Variants in CACNA2D3 observed in about 807,000 individuals in gnomAD.
The protein encoded by CACNA2D3 is voltage-dependent calcium channel subunit alpha-2/delta-3.
In CACNA2D3, 60 loss-of-function variants were observed where a neutral mutation model predicts 160.6. The observed-to-expected ratio is 0.37, with a 90% CI of 0.30 to 0.46. The LOEUF is 0.46. CACNA2D3 is among the 20% of genes least tolerant of loss of function. The pLI, the probability that CACNA2D3 is intolerant of heterozygous loss-of-function variation, is 1.00. For synonymous variants in CACNA2D3, 558 were observed against 492.9 expected (o/e 1.13, Z -1.75); for missense variants, 1,205 against 1,365.0 (o/e 0.88, Z 1.85).
chr3:54,463,337 G>A (rs965283568), intron 4 of CACNA2D3, among the ~76,000 whole-genome samples: 19 of 152,098 alleles, frequency 1.2e-4, no homozygotes, highest in African/African-American at 1.9e-4. Context: ...TGCTAGATTG[G>A]GGAAGTTCTC....
chr3:54,609,676 T>G (rs552723004), intron 9 of CACNA2D3, among the ~76,000 whole-genome samples: 1 of 152,208 alleles, frequency 6.6e-6, no homozygotes, highest in South Asian at 2.1e-4. Flanking sequence ...ATGAAAAAAA[T>G]TTTAAATATG....
At chr3:54,890,369 G>A (rs961740171) in intron 24 of CACNA2D3, among the ~76,000 whole-genome samples, 7 of 151,696 alleles carry the variant, frequency 4.6e-5, no homozygotes, top group African/African-American at 1.7e-4. Context: ...GGTGGTAGGC[G>A]CCTGTAGTCC....
In CACNA2D3 at chr3:54,992,194, A is replaced by C. The variant is rs527785932; in HGVS notation, c.2690+4441A>C. ...CTTTAAAAGCTTCTCTGTGATTCTC[A>C]TGTGCAGCCAGCATCAAGACACGAG... On this transcript the variant is annotated intron_variant, in intron 31 of 37. Coordinates refer to ENST00000474759, the MANE Select transcript of CACNA2D3 (RefSeq NM_018398.3). Among the ~76,000 whole-genome samples, 3 of 152,292 alleles carry C rather than the reference A, an allele frequency of 2.0e-5. No individual in the cohort carries two copies. The South Asian group carries it at 6.2e-4, about 32-fold the overall frequency.
intron 4 of CACNA2D3, among the ~76,000 whole-genome samples, chr3:54,461,951 C>T (rs368709488): frequency 2.6e-4 from 39 of 152,108 alleles, no homozygotes; most frequent in Non-Finnish European, 4.1e-4. Flanking sequence ...GCTTTGAATG[C>T]GTCCCAGAGA....
Position 54,944,094 on chromosome 3 carries a change from A to C in CACNA2D3, c.2450-24356A>C, listed in dbSNP as rs61569044. ...CTTTTGACTTCCTGTGTTGTTTAGG[A>C]AGTCTGATATCATACCATTTCCATA... On this transcript the variant is annotated intron_variant, in intron 27 of 37. Transcript: ENST00000474759. Among the ~76,000 whole-genome samples, 417 of 152,264 alleles carry C rather than the reference A, an allele frequency of 2.7e-3. 2 individuals are homozygous for C. Among genetic ancestry groups the C allele is most frequent in the African/African-American group, 9.7e-3 (403 of 41,550 alleles).
intron 2 of CACNA2D3, among the ~76,000 whole-genome samples, chr3:54,163,985 C>G (rs1454940090): frequency 6.6e-6 from 1 of 152,186 alleles, no homozygotes; most frequent in Admixed American, 6.5e-5. Context: ...GGCTAAGCAG[C>G]CCACTGCAGG....
chr3:54,926,774 A>G (rs1415689176), intron 27 of CACNA2D3, among the ~76,000 whole-genome samples: 2 of 152,114 alleles, frequency 1.3e-5, no homozygotes, highest in Non-Finnish European at 2.9e-5. Context: ...GAACGGTTGC[A>G]GTTTTTTTCT....
chr3:54,671,560 C>T (rs1700161916), intron 11 of CACNA2D3, among the ~76,000 whole-genome samples: 1 of 152,124 alleles, frequency 6.6e-6, no homozygotes, highest in Non-Finnish European at 1.5e-5. Flanking sequence ...CCCTCAGCTA[C>T]CCTCCTATTT....
chr3:54,263,807 A>G (rs1162978872), intron 2 of CACNA2D3, among the ~76,000 whole-genome samples: 1 of 152,206 alleles, frequency 6.6e-6, no homozygotes, highest in African/African-American at 2.4e-5. Flanking sequence ...ATAATGCTGA[A>G]TACCATCTAC....
chr3:54,426,009 G>T (rs1302332288), intron 4 of CACNA2D3, among the ~76,000 whole-genome samples: 5 of 152,126 alleles, frequency 3.3e-5, no homozygotes, highest in Non-Finnish European at 5.9e-5. Context: ...TTGGAAATTG[G>T]TTAGTTTAGA....
At chr3:55,072,582 A>G (rs1704835597) in intron 35 of CACNA2D3, among the ~76,000 whole-genome samples, 1 of 152,244 alleles carries the variant, frequency 6.6e-6, no homozygotes, top group Non-Finnish European at 1.5e-5. Flanking sequence ...ATTAAACTGA[A>G]TTTAATGAAA....
intron 14 of CACNA2D3, 71 bp from the exon 15 acceptor site, chr3:54,837,088 T>G: frequency 7.5e-7 from 1 of 1,330,456 alleles, no homozygotes; most frequent in Non-Finnish European, 1.1e-6. Context: ...GACATGATTG[T>G]CAAGGGGGTG....
At chr3:54,825,929 G>A (rs561730950) in intron 14 of CACNA2D3, among the ~76,000 whole-genome samples, 1 of 152,176 alleles carries the variant, frequency 6.6e-6, no homozygotes, top group South Asian at 2.1e-4. Context: ...TTAATATGAT[G>A]AGTTACTCAA....
intron 2 of CACNA2D3, among the ~76,000 whole-genome samples, chr3:54,146,241 C>T (rs1043969797): frequency 1.3e-5 from 2 of 152,144 alleles, no homozygotes; most frequent in African/African-American, 4.8e-5. Flanking sequence ...AGGCGCTGGT[C>T]CCTGGGTGTA....
At chr3:54,557,981 C>T (rs1427918932) in intron 5 of CACNA2D3, among the ~76,000 whole-genome samples, 1 of 152,136 alleles carries the variant, frequency 6.6e-6, no homozygotes. Context: ...CTGTGTCTGC[C>T]CACTGGCCCT....
intron 18 of CACNA2D3, chr3:54,875,331 C>T (rs761590425): frequency 4.6e-5 from 7 of 152,098 alleles, no homozygotes; most frequent in South Asian, 2.1e-4. Context: ...TGTTTTCCTA[C>T]GCTGGTTGAA....
At chr3:54,292,070 A>G (rs1703220798) in intron 2 of CACNA2D3, among the ~76,000 whole-genome samples, 1 of 152,178 alleles carries the variant, frequency 6.6e-6, no homozygotes, top group Non-Finnish European at 1.5e-5. Flanking sequence ...GGTGGTAGAA[A>G]GAAAAATCTT....
At position 54,814,873 on chromosome 3, in the gene CACNA2D3, G is replaced by C. The variant is rs1703412994; in HGVS notation, c.1381-1980G>C. ...AGAGGCCTGCAAAGTCCAGCAGTTT[G>C]TGCAGGGCTTCACTTTGGTATTTAT... On this transcript the variant is annotated intron_variant, in intron 13 of 37. Coordinates refer to ENST00000474759, the MANE Select transcript of CACNA2D3 (RefSeq NM_018398.3). 2.0e-5 allele frequency among the ~76,000 whole-genome samples: 3 copies of C among 152,182 alleles called. 1 individual carries two copies. The highest frequency in any genetic ancestry group is 2.0e-4 in the Admixed American group (3 of 15,282).
intron 5 of CACNA2D3, among the ~76,000 whole-genome samples, chr3:54,554,870 CTT>C (rs66526065): frequency 0.018 from 1,702 of 96,032 alleles, 25 homozygotes; most frequent in African/African-American, 0.044. Flanking sequence ...CTCTCACTCT[CTT>C]TTTTTTTTTT....
Sources: gnomAD v4.1 joint callset for allele counts (sites outside exome capture counted in the v4.1 genomes callset) on GRCh38, gnomAD v4.1.1 for gene constraint, MANE v1.5 for transcripts, NCBI Gene and HGNC (gene_info 2026-07-23, HGNC 2026-07-21) for gene names.